Variants in DYNC1H1 observed in about 807,000 individuals in gnomAD.
DYNC1H1 encodes the protein cytoplasmic dynein 1 heavy chain 1.
DYNC1H1 carries 51 observed loss-of-function variants against 527.1 expected under a neutral mutation model. The observed-to-expected ratio is 0.10, with a 90% confidence interval of 0.08 to 0.12. DYNC1H1 has a LOEUF of 0.12. Ranked by LOEUF, DYNC1H1 falls within the 10% of genes least tolerant of loss-of-function variation. DYNC1H1 has a pLI of 1.00. For synonymous variants in DYNC1H1, 2,189 were observed against 2,278.8 expected, an observed-to-expected ratio of 0.96 and a Z score of 1.12; for missense variants, 2,771 against 5,971.8, an observed-to-expected ratio of 0.46 and a Z score of 17.66.
At position 102,010,974 on chromosome 14, in the gene DYNC1H1, G is replaced by A. The variant is rs775846862; in HGVS notation, c.6618+22G>A. On this transcript the variant is annotated intron_variant, in intron 32 of 77. Transcript: ENST00000360184. This position sits in a 1 kb window ranked among gnomAD's most constrained non-coding sequence, Gnocchi z 6.0. Reference sequence around the variant, plus strand: ...AAAGGTAACTTGGATTGTTTCACTGGCCACTGCCCTCACAGACCCTGCTGG... The same window carrying A: ...AAAGGTAACTTGGATTGTTTCACTGACCACTGCCCTCACAGACCCTGCTGG... 14 of 1,613,266 alleles carry A rather than the reference G, an allele frequency of 8.7e-6. No individual in the cohort carries two copies. The highest frequency in any genetic ancestry group is 1.2e-5 in the Non-Finnish European group (14 of 1,179,370).
intron 43 of DYNC1H1, among the ~76,000 whole-genome samples, chr14:102,026,279 A>G (rs941337985): frequency 3.3e-5 from 5 of 152,166 alleles, no homozygotes; most frequent in African/African-American, 9.7e-5. Context: ...GATGAGTTTG[A>G]TGGAACTGGC....
At chr14:101,970,470 G>GGT (rs2047720930) in intron 1 of DYNC1H1, among the ~76,000 whole-genome samples, 5 of 96,276 alleles carry the variant, frequency 5.2e-5, no homozygotes, top group African/African-American at 2.4e-4. Flanking sequence ...TTGGTTTGTT[G>GGT]TTGTTTTTTT....
chr14:101,995,927 G>T (rs574659470), intron 15 of DYNC1H1, among the ~76,000 whole-genome samples: 13 of 151,782 alleles, frequency 8.6e-5, no homozygotes, highest in Non-Finnish European at 1.6e-4. Flanking sequence ...ACCTGAGTGT[G>T]GTGGCATGTG....
chr14:102,017,472 C>T lies in DYNC1H1; in HGVS notation c.8145C>T (p.Pro2715=), dbSNP rs200413541. 24 of 1,614,224 alleles carry T rather than the reference C, an allele frequency of 1.5e-5. 1 individual carries two copies. In the Admixed American group the frequency reaches 3.3e-4, roughly 22 times the overall value. Residue 2715 remains proline (P), a synonymous_variant, in exon 40 of 78, where the codon CCC becomes CCT. Transcript: ENST00000360184. The surrounding 1 kb of genome is among the most constrained non-coding windows in gnomAD (Gnocchi z 4.6). ...AGTTTGTTGGGGCTTGTAATCCCCCCACAGACCCTGGAAGAAAGCCCCTCT... is the reference window on the plus strand; with the variant it reads ...AGTTTGTTGGGGCTTGTAATCCCCCTACAGACCCTGGAAGAAAGCCCCTCT... ...RIQFVGACNP[P]TDPGRKPLSH...
Position 102,029,624 on chromosome 14 carries a change from A to T in DYNC1H1, c.9554A>T (p.Asn3185Ile), listed in dbSNP as rs1311056505. The change falls in exon 49 of 78, where the codon AAC becomes ATC. Residue 3185 changes from asparagine to isoleucine, a missense_variant. By Grantham distance (149) the Asn-to-Ile change is moderately radical. Coordinates refer to ENST00000360184, the MANE Select transcript of DYNC1H1 (RefSeq NM_001376.5). This position sits in a 1 kb window ranked among gnomAD's most constrained non-coding sequence, Gnocchi z 5.3. The stretch of plus-strand genomic sequence containing the variant: ...CTGGACTTCATCAATCACTATGCCA[A>T]CCTGTTCCACGAGAAGCGGAGCGAG... ...HYLDFINHYA[N>I]LFHEKRSELE... 1.2e-6 allele frequency: 2 copies of T among 1,614,226 alleles called. No homozygotes were observed. Among genetic ancestry groups the T allele is most frequent in the South Asian group, 1.1e-5 (1 of 91,082 alleles).
At chr14:101,988,609 C>T (rs2047962304) in intron 9 of DYNC1H1, 94 bp from the exon 10 acceptor site, 1 of 1,546,198 alleles carries the variant, frequency 6.5e-7, no homozygotes, top group Non-Finnish European at 8.9e-7. Context: ...AACTGTGTAT[C>T]TTTTATCTGA....
rs766735095 is a variant in DYNC1H1 at position 102,040,594 on chromosome 14, A to G, written c.11866-4A>G. 1.2e-5 allele frequency: 20 copies of G among 1,614,194 alleles called. No individual in the cohort carries two copies. The Admixed American group carries it at 3.3e-4, about 27-fold the overall frequency. ...CATGGGTGCTTCCACTATTGTCTCCACAGCAATTTGGCATCTGGCTGGACA... is the reference window on the plus strand; with the variant it reads ...CATGGGTGCTTCCACTATTGTCTCCGCAGCAATTTGGCATCTGGCTGGACA... On this transcript the variant is annotated splice_polypyrimidine_tract_variant and splice_region_variant and intron_variant, in intron 63 of 77. Coordinates refer to ENST00000360184, the MANE Select transcript of DYNC1H1 (RefSeq NM_001376.5).
At position 101,998,879 on chromosome 14, in the gene DYNC1H1, C is replaced by CTTTTTTTT. The variant is rs888317854; in HGVS notation, c.3805-1097_3805-1090dup. On this transcript the variant is annotated intron_variant, in intron 16 of 77. Transcript: ENST00000360184. The stretch of plus-strand genomic sequence containing the variant: ...TAATGTGTTAGAGTTAAAACTTTTT[C>CTTTTTTTT]TTTTTTTTTTTTTTTTTTTTGAGAC... Among the ~76,000 whole-genome samples the CTTTTTTTT allele has an allele frequency of 2.2e-3, 249 of 115,194 alleles. 5 individuals are homozygous for CTTTTTTTT. The highest frequency in any genetic ancestry group is 4.1e-3 in the African/African-American group (109 of 26,544). The allele number at this position is 115,194 out of a possible 152,430, so 75.6% of individuals were successfully genotyped here.
Position 102,003,094 on chromosome 14 carries a change from TA to T in DYNC1H1, c.4883+130del, listed in dbSNP as rs1409691587. The T allele has an allele frequency of 4.1e-6, 5 of 1,221,022 alleles. No individual in the cohort carries two copies. In the African/African-American group the frequency reaches 7.5e-5, roughly 18 times the overall value. The allele number at this position is 1,221,022 out of a possible 1,614,324, so 75.6% of individuals were successfully genotyped here. The stretch of plus-strand genomic sequence containing the variant: ...CATCAAGGATTTTGTTAGCCAATAA[TA>T]CATATAATGATTACCATTCCCTTCC... On this transcript the variant is annotated intron_variant, in intron 23 of 77. Coordinates refer to ENST00000360184, the MANE Select transcript of DYNC1H1 (RefSeq NM_001376.5).
Position 102,039,821 on chromosome 14 carries a change from T to C in DYNC1H1, c.11690+89T>C. On this transcript the variant is annotated intron_variant, in intron 62 of 77. Transcript: ENST00000360184. This position sits in a 1 kb window ranked among gnomAD's most constrained non-coding sequence, Gnocchi z 7.0. ...CAGATACATGCTTTTATTATTTCTT[T>C]TATTTTCTCTTTTATTTTCTTTATT... 1 of 1,388,116 alleles carries C rather than the reference T, an allele frequency of 7.2e-7. No individual in the cohort carries two copies. The allele number at this position is 1,388,116 out of a possible 1,614,324, so 86.0% of individuals were successfully genotyped here. A position where few individuals can be genotyped will look rare whatever the true frequency, so the allele number is the denominator to read the frequency against.
rs1566997965 is a variant in DYNC1H1 at position 101,983,653 on chromosome 14, G to GTTTTA, written c.1461+48_1461+49insATTTT. On this transcript the variant is annotated intron_variant, in intron 7 of 77. Transcript: ENST00000360184. The surrounding 1 kb of genome is among the most constrained non-coding windows in gnomAD (Gnocchi z 5.3). ...AAGTTTGTGTTTTGTTTTTGTTTTT[G>GTTTTA]TTTTGTTTTTTGTTTGGTGTTTTTT... 6.3e-7 allele frequency: 1 copy of GTTTTA among 1,580,490 alleles called. No homozygotes were observed. Among genetic ancestry groups the GTTTTA allele is most frequent in the Non-Finnish European group, 8.6e-7 (1 of 1,160,532 alleles).
Position 102,005,445 on chromosome 14 carries a change from G to C in DYNC1H1, c.5433+209G>C, listed in dbSNP as rs140941345. Among the ~76,000 whole-genome samples, 1 of 152,208 alleles carries C rather than the reference G, an allele frequency of 6.6e-6. No individual in the cohort carries two copies. The highest frequency in any genetic ancestry group is 2.4e-5 in the African/African-American group (1 of 41,454). ...GCATGCAGGGGTTACGCGACATCAC[G>C]GTAGAGAGGAAGGGATCAACCTTGG... On this transcript the variant is annotated intron_variant, in intron 26 of 77. Coordinates refer to ENST00000360184, the MANE Select transcript of DYNC1H1 (RefSeq NM_001376.5). This position sits in a 1 kb window ranked among gnomAD's most constrained non-coding sequence, Gnocchi z 4.0.
At chr14:102,046,181 AAG>A (rs1491462929) in intron 72 of DYNC1H1, among the ~76,000 whole-genome samples, 2 of 151,838 alleles carry the variant, frequency 1.3e-5, no homozygotes, top group Non-Finnish European at 2.9e-5. Flanking sequence ...AAAAAAAAAA[AAG>A]AAATGCGGGT....
chr14:102,014,787 C>A (rs2048300826), intron 34 of DYNC1H1, among the ~76,000 whole-genome samples: 1 of 152,112 alleles, frequency 6.6e-6, no homozygotes, highest in African/African-American at 2.4e-5. Context: ...GTGATGTGAG[C>A]TGTAGGTGTT....
At chr14:102,048,204 C>T in intron 73 of DYNC1H1, 176 bp downstream of exon 73, 1 of 868,152 alleles carries the variant, frequency 1.2e-6, no homozygotes, top group African/African-American at 1.7e-5. Context: ...ATGAGTTGGC[C>T]CTTTTGAAAT....
At chr14:102,040,199 G>GT in intron 62 of DYNC1H1, 37 bp from the exon 63 acceptor site, 1 of 1,610,840 alleles carries the variant, frequency 6.2e-7, no homozygotes, top group Non-Finnish European at 8.5e-7. Context: ...GGGAGTGAAC[G>GT]TGAGAGACCC....
rs1380664601 is a variant in DYNC1H1 at position 102,047,637 on chromosome 14, GTGTGTATATATATATA to G, written c.13007-178_13007-163del. ...TATATACACGTGTGTGTGTGTGTGT[GTGTGTATATATATATA>G]TATATATATATGTACACACGGCTGA... On this transcript the variant is annotated intron_variant, in intron 72 of 77. Transcript: ENST00000360184. The G allele has an allele frequency of 7.3e-4, 287 of 394,272 alleles. 15 individuals are homozygous for G. The African/African-American group carries it at 0.012, about 16-fold the overall frequency. The allele number at this position is 394,272 out of a possible 1,614,324, so 24.4% of individuals were successfully genotyped here.
chr14:101,969,795 A>G (rs552784223), intron 1 of DYNC1H1, among the ~76,000 whole-genome samples: 2 of 152,388 alleles, frequency 1.3e-5, no homozygotes, highest in South Asian at 2.1e-4. Context: ...ATTTATGTAC[A>G]GCAAAGGGAA....
chr14:102,041,347 T>C lies in DYNC1H1; in HGVS notation c.11942-227T>C. 1.6e-6 allele frequency: 1 copy of C among 642,304 alleles called. No homozygotes were observed. The highest frequency in any genetic ancestry group is 1.8e-5 in the South Asian group (1 of 55,280). The allele number at this position is 642,304 out of a possible 1,614,324, so 39.8% of individuals were successfully genotyped here. ...GTTTAGTAATCTAAAAATCAGCAAA[T>C]GGCACCTTTGTCCTATGGATACATC... On this transcript the variant is annotated intron_variant, in intron 64 of 77. Coordinates refer to ENST00000360184, the MANE Select transcript of DYNC1H1 (RefSeq NM_001376.5). The surrounding 1 kb of genome is among the most constrained non-coding windows in gnomAD (Gnocchi z 4.5).
Sources: allele counts gnomAD v4.1 joint callset (sites outside exome capture counted in the v4.1 genomes callset), GRCh38; gene constraint gnomAD v4.1.1; non-coding constraint Gnocchi (gnomAD v3.1); transcripts MANE v1.5; gene names NCBI Gene and HGNC (gene_info 2026-07-23, HGNC 2026-07-21).